The following INPP4B variants were observed in gnomAD, a reference collection of about 807,000 sequenced individuals.
INPP4B encodes the protein inositol polyphosphate 4-phosphatase type II.
A neutral mutation model predicts 122.5 loss-of-function variants in INPP4B; 55 were observed. The observed-to-expected ratio is 0.45, with a 90% CI of 0.36 to 0.56. The LOEUF (loss-of-function observed/expected upper bound fraction) is 0.56. Ranked by LOEUF, INPP4B falls within the 20% of genes least tolerant of loss-of-function variation. The pLI is 0.00. For missense variants in INPP4B, 1,000 were observed against 1,097.7 expected (o/e 0.91, Z 1.26); for synonymous variants, 403 against 388.7 (o/e 1.04, Z -0.43).
intron 5 of INPP4B, among the ~76,000 whole-genome samples, chr4:142,410,585 C>A (rs924303545): frequency 1.3e-5 from 2 of 152,064 alleles, no homozygotes; most frequent in Admixed American, 6.5e-5. Context: ...GAGGAGAAAC[C>A]ACATACCATA....
At chr4:142,135,878 G>T (rs1220164013) in intron 18 of INPP4B, among the ~76,000 whole-genome samples, 1 of 148,246 alleles carries the variant, frequency 6.7e-6, no homozygotes, top group Non-Finnish European at 1.5e-5. Flanking sequence ...CTCACTGCTA[G>T]CTCCCCCGCC....
rs1278717987 is a variant in INPP4B, at chr4:142,026,647, A to G, written c.*2135T>C. Reference sequence around the variant, plus strand: ...ACATCCAGCTAATTTTTGTATCTTTAGTAGAGATGGGGTTTCACCATGTTG... The same window carrying G: ...ACATCCAGCTAATTTTTGTATCTTTGGTAGAGATGGGGTTTCACCATGTTG... On this transcript the variant is annotated 3_prime_UTR_variant, in exon 26 of 26. Transcript: ENST00000262992. 3.3e-5 allele frequency: 5 copies of G among 152,230 alleles called. No homozygotes were observed. Among genetic ancestry groups the G allele is most frequent in the Non-Finnish European group, 5.9e-5 (4 of 68,094 alleles). The allele number at this position is 152,230 out of a possible 1,614,324, so 9.4% of individuals were successfully genotyped here.
intron 2 of INPP4B, among the ~76,000 whole-genome samples, chr4:142,626,962 A>G (rs534895190): frequency 6.6e-6 from 1 of 152,180 alleles, no homozygotes; most frequent in South Asian, 2.1e-4. Context: ...AGCCTCAAGT[A>G]GCTAGGTATG....
At chr4:142,742,340 G>T (rs1003768146) in intron 1 of INPP4B, among the ~76,000 whole-genome samples, 5 of 151,908 alleles carry the variant, frequency 3.3e-5, no homozygotes, top group African/African-American at 4.8e-5. Context: ...CTGCTAAGTT[G>T]CATTTTTAAC....
intron 10 of INPP4B, among the ~76,000 whole-genome samples, chr4:142,262,915 T>C (rs1053374436): frequency 1.2e-4 from 19 of 152,210 alleles, no homozygotes; most frequent in African/African-American, 4.3e-4. Flanking sequence ...CAACATGGCC[T>C]GAGAAAAGCA....
chr4:142,280,199 C>G (rs1172073289), intron 9 of INPP4B, among the ~76,000 whole-genome samples: 1 of 151,778 alleles, frequency 6.6e-6, no homozygotes, highest in East Asian at 1.9e-4. Flanking sequence ...TAAATATTTA[C>G]CCTAGAGAAA....
intron 7 of INPP4B, among the ~76,000 whole-genome samples, chr4:142,340,582 A>G (rs536905646): frequency 1.3e-5 from 2 of 151,976 alleles, no homozygotes; most frequent in Non-Finnish European, 1.5e-5. Flanking sequence ...TAATTTTTTA[A>G]AAAATTGTTT....
At chr4:142,504,473 A>G (rs1823757757) in intron 2 of INPP4B, among the ~76,000 whole-genome samples, 1 of 152,196 alleles carries the variant, frequency 6.6e-6, no homozygotes, top group Admixed American at 6.5e-5. Context: ...ATAAATACAT[A>G]TACTTTTCTA....
chr4:142,094,333 G>T (rs1780902222), intron 23 of INPP4B, among the ~76,000 whole-genome samples: 1 of 152,134 alleles, frequency 6.6e-6, no homozygotes, highest in African/African-American at 2.4e-5. Context: ...CTAGGTGCTG[G>T]CACTGAAGGC....
At position 142,705,671 on chromosome 4, in the gene INPP4B, C is replaced by T. The variant is rs147522531; in HGVS notation, c.-191+20168G>A. Among the ~76,000 whole-genome samples the T allele has an allele frequency of 2.5e-3, 386 of 152,232 alleles. 5 individuals carry two copies. Among genetic ancestry groups the T allele is most frequent in the East Asian group, 0.018 (95 of 5,178 alleles). On this transcript the variant is annotated intron_variant, in intron 2 of 25. Transcript: ENST00000262992. Reference sequence around the variant, plus strand: ...GATTCCTACCTCTGCCACTCATTCACGGTGCTACTTTCAACAATCTATTAA... The same window carrying T: ...GATTCCTACCTCTGCCACTCATTCATGGTGCTACTTTCAACAATCTATTAA...
intron 2 of INPP4B, among the ~76,000 whole-genome samples, chr4:142,563,935 G>T (rs959938723): frequency 6.6e-6 from 1 of 152,028 alleles, no homozygotes; most frequent in Non-Finnish European, 1.5e-5. Flanking sequence ...CTACACATGG[G>T]TTAGTCCAAT....
intron 9 of INPP4B, among the ~76,000 whole-genome samples, chr4:142,272,176 T>C (rs1347961067): frequency 6.6e-6 from 1 of 152,126 alleles, no homozygotes; most frequent in Non-Finnish European, 1.5e-5. Flanking sequence ...TCCTTCTAAA[T>C]GCTGCTTTTT....
chr4:142,838,402 C>T (rs899403204), intron 1 of INPP4B, among the ~76,000 whole-genome samples: 1 of 151,250 alleles, frequency 6.6e-6, no homozygotes, highest in Non-Finnish European at 1.5e-5. Flanking sequence ...TGAGTAGAAG[C>T]CAGCTGTATC....
At chr4:142,490,753 C>T (rs1821773669) in intron 2 of INPP4B, among the ~76,000 whole-genome samples, 1 of 152,148 alleles carries the variant, frequency 6.6e-6, no homozygotes, top group South Asian at 2.1e-4. Context: ...CCATTCTACT[C>T]TCTGCTTTTA....
chr4:142,626,236 T>C (rs1226457776), intron 2 of INPP4B, among the ~76,000 whole-genome samples: 1 of 152,128 alleles, frequency 6.6e-6, no homozygotes, highest in Non-Finnish European at 1.5e-5. Context: ...AGCAGAACTG[T>C]GAACATGATG....
chr4:142,629,483 C>A (rs1747418733), intron 2 of INPP4B, among the ~76,000 whole-genome samples: 2 of 151,790 alleles, frequency 1.3e-5, no homozygotes, highest in Admixed American at 6.6e-5. Context: ...ATGAAGGAAA[C>A]CCTAGAGTGC....
intron 12 of INPP4B, among the ~76,000 whole-genome samples, chr4:142,222,729 G>T (rs186575684): frequency 1.2e-4 from 19 of 152,244 alleles, no homozygotes; most frequent in African/African-American, 4.3e-4. Context: ...CAGCTTTCTG[G>T]ACAGATGGCA....
chr4:142,682,259 ATCTCTCCCTC>A (rs372995138), intron 2 of INPP4B, among the ~76,000 whole-genome samples: 40 of 151,394 alleles, frequency 2.6e-4, no homozygotes, highest in African/African-American at 8.5e-4. Flanking sequence ...AAGAATCTTA[ATCTCTCCCTC>A]TCTCTCCCTC....
chr4:142,159,345 T>C (rs1376211354), intron 17 of INPP4B, among the ~76,000 whole-genome samples: 4 of 151,500 alleles, frequency 2.6e-5, no homozygotes, highest in African/African-American at 9.7e-5. Context: ...TTGGGAGAAA[T>C]GCAATTTTAA....
Sources: allele counts gnomAD v4.1 joint callset (sites outside exome capture counted in the v4.1 genomes callset), GRCh38; gene constraint gnomAD v4.1.1; transcripts MANE v1.5; gene names NCBI Gene and HGNC (gene_info 2026-07-23, HGNC 2026-07-21).